Variants in USH1C observed in about 807,000 individuals in gnomAD.
USH1C encodes USH1 protein network component harmonin.
In USH1C, 90 loss-of-function variants were observed where a neutral mutation model predicts 119.3. That is an observed-to-expected ratio of 0.75 (90% CI 0.64 to 0.90). The LOEUF is 0.90. USH1C is among the 40% of genes least tolerant of loss of function. The probability of loss-of-function intolerance (pLI) is 0.00; values close to 1 mark genes in which losing one functional copy is unlikely to be tolerated. For synonymous variants in USH1C, 465 were observed against 443.3 expected, an observed-to-expected ratio of 1.05 and a Z score of -0.62; for missense variants, 1,165 against 1,167.7, an observed-to-expected ratio of 1.00 and a Z score of 0.03.
chr11:17,496,126 C>T (rs1049338666), intron 25 of USH1C, among the ~76,000 whole-genome samples: 17 of 150,310 alleles, frequency 1.1e-4, no homozygotes, highest in Non-Finnish European at 2.1e-4. Flanking sequence ...GAAAGGGGAC[C>T]GGGATGAAGG....
chr11:17,509,107 T>A (rs1309847912), intron 18 of USH1C, among the ~76,000 whole-genome samples: 1 of 152,168 alleles, frequency 6.6e-6, no homozygotes, highest in African/African-American at 2.4e-5. Flanking sequence ...GAATATCAAA[T>A]GGACACACCG....
At chr11:17,504,735 T>C (rs573844196) in intron 19 of USH1C, 38 bp from the exon 20 acceptor site, 3 of 1,609,268 alleles carry the variant, frequency 1.9e-6, no homozygotes, top group East Asian at 4.5e-5. Context: ...ACATTGGATG[T>C]TACCAATAGG....
chr11:17,513,237 G>A (rs1009363268), intron 15 of USH1C, among the ~76,000 whole-genome samples: 4 of 152,140 alleles, frequency 2.6e-5, no homozygotes, highest in African/African-American at 7.2e-5. Flanking sequence ...CACACACAGC[G>A]TGGAGGACAG....
At chr11:17,527,462 C>T (rs914011774) in intron 4 of USH1C, 131 bp from the exon 5 acceptor site, 9 of 772,990 alleles carry the variant, frequency 1.2e-5, no homozygotes, top group African/African-American at 3.4e-5. Context: ...CTGGAATAAG[C>T]CTTGATCTCA....
intron 7 of USH1C, 119 bp downstream of exon 7, chr11:17,526,633 TG>T: frequency 8.0e-7 from 1 of 1,254,178 alleles, no homozygotes; most frequent in Non-Finnish European, 1.1e-6. Context: ...CTGGCTGCCC[TG>T]GGAGCCTGTG....
intron 4 of USH1C, 109 bp from the exon 5 acceptor site, chr11:17,527,440 C>T: frequency 1.1e-6 from 1 of 883,766 alleles, no homozygotes; most frequent in Non-Finnish European, 1.9e-6. Flanking sequence ...GGAAGGGTGG[C>T]TGTGCCACCC....
intron 13 of USH1C, 121 bp downstream of exon 13, chr11:17,521,225 A>C (rs1276271429): frequency 5.2e-6 from 6 of 1,150,614 alleles, no homozygotes; most frequent in Non-Finnish European, 7.9e-6. Flanking sequence ...CAAATAAAGG[A>C]GGACCCACCA....
intron 22 of USH1C, 37 bp from the exon 23 acceptor site, chr11:17,501,187 G>T: frequency 6.5e-7 from 1 of 1,544,934 alleles, no homozygotes. Flanking sequence ...GAGCCAAGCA[G>T]ACAGCAGCCT....
At chr11:17,504,755 C>T (rs907337685) in intron 19 of USH1C, 58 bp from the exon 20 acceptor site, 44 of 1,578,376 alleles carry the variant, frequency 2.8e-5, no homozygotes, top group Non-Finnish European at 3.6e-5. Flanking sequence ...GTCTTGGCTG[C>T]CCCCTGGTGC....
chr11:17,544,206 CA>C (rs1321174054), intron 1 of USH1C, 65 bp downstream of exon 1: 2 of 1,605,344 alleles, frequency 1.2e-6, no homozygotes, highest in Non-Finnish European at 1.7e-6. Flanking sequence ...CCGGGGTGTC[CA>C]CCCCCTACCC....
rs2240488 is a variant in USH1C, at chr11:17,521,325, G to C, written c.1085+21C>G. On this transcript the variant is annotated intron_variant, in intron 13 of 26. Coordinates refer to ENST00000005226, the MANE Select transcript of USH1C (RefSeq NM_153676.4). The stretch of plus-strand genomic sequence containing the variant: ...CACACTGATGTTCATGCACAGACAC[G>C]CGTGGAGCCGAGGTACTCACTGTTC... 0.47 allele frequency: 760,408 copies of C among 1,611,358 alleles called. 182,507 individuals carry two copies. The highest frequency in any genetic ancestry group is 0.63 in the East Asian group (28,378 of 44,840).
At chr11:17,524,577 C>T (rs1294701812) in intron 8 of USH1C, 42 bp from the exon 9 acceptor site, 2 of 1,549,468 alleles carry the variant, frequency 1.3e-6, no homozygotes, top group Non-Finnish European at 1.7e-6. Flanking sequence ...TCAGGTAACC[C>T]ATGTCCAGTG....
At chr11:17,502,807 C>A (rs1258147388) in intron 20 of USH1C, among the ~76,000 whole-genome samples, 2 of 152,168 alleles carry the variant, frequency 1.3e-5, no homozygotes, top group African/African-American at 4.8e-5. Context: ...CCAGGGGCAT[C>A]CCCAGGCTGA....
chr11:17,542,763 T>A (rs1851520264), intron 1 of USH1C, among the ~76,000 whole-genome samples: 1 of 149,224 alleles, frequency 6.7e-6, no homozygotes, highest in Non-Finnish European at 1.5e-5. Context: ...TCCTTCAAAC[T>A]GGGTTGCCTG....
chr11:17,496,799 A>G lies in USH1C; in HGVS notation c.2505T>C (p.Leu835=). 6.2e-7 allele frequency: 1 copy of G among 1,614,182 alleles called. No individual in the cohort carries two copies. The highest frequency in any genetic ancestry group is 8.5e-7 in the Non-Finnish European group (1 of 1,179,998). The change falls in exon 25 of 27, where the codon CTT becomes CTC. Residue 835 remains leucine, a synonymous_variant. Transcript: ENST00000005226. ...CCTTTGGGGGGCAGACGGCAACCAC[A>G]AGGTCGATCCAGTCCTGTGGGGAGA... is the stretch of plus-strand genomic sequence containing the variant. ...AWNQGGDWID[L]VVAVCPPKEY... is the part of the protein sequence containing the mutation.
In USH1C at chr11:17,531,016, G is replaced by A; in HGVS notation, c.387+138C>T. On this transcript the variant is annotated intron_variant, in intron 4 of 26. Coordinates refer to ENST00000005226, the MANE Select transcript of USH1C (RefSeq NM_153676.4). The surrounding 1 kb of genome is among the most constrained non-coding windows in gnomAD (Gnocchi z 4.2). ...CTATGAGCCTAAGAACACCCATCAG[G>A]ATGCGCCAGCCTCTTCTTCACCCGA... 7.4e-7 allele frequency: 1 copy of A among 1,350,654 alleles called. No individual in the cohort carries two copies. Among genetic ancestry groups the A allele is most frequent in the Non-Finnish European group, 1.0e-6 (1 of 976,792 alleles). 83.7% of individuals were successfully genotyped at this position (1,350,654 alleles called of 1,614,324 possible).
chr11:17,530,883 G>A (rs1452759415), intron 4 of USH1C, among the ~76,000 whole-genome samples: 1 of 152,200 alleles, frequency 6.6e-6, no homozygotes, highest in Non-Finnish European at 1.5e-5. Flanking sequence ...AGGGGAGGTG[G>A]GGGGAAGTGC....
rs1380888214 is a variant in USH1C, at chr11:17,527,329, T to C, written c.390A>G (p.Val130=). ...GGQADSVGLQ[V]GDEIVRINGY... ...CATTGATCCGGACGATCTCGTCCCC[T>C]ACCTTGACCACAGAGAGAGGCAGGG... Residue 130 remains valine, a splice_region_variant and synonymous_variant, in exon 5 of 27, where the codon GTA becomes GTG. Transcript: ENST00000005226. 4 of 1,609,830 alleles carry C rather than the reference T, an allele frequency of 2.5e-6. 1 individual carries two copies. In the Admixed American group the frequency reaches 6.7e-5, roughly 27 times the overall value.
rs200523032 is a variant in USH1C, at chr11:17,524,524, C to T, written c.686G>A (p.Gly229Asp). Residue 229 changes from glycine (G) to aspartate (D), a missense_variant, in exon 9 of 27, where the codon GGC becomes GAC. By Grantham distance (94) the Gly-to-Asp change is moderately conservative. Coordinates refer to ENST00000005226, the MANE Select transcript of USH1C (RefSeq NM_153676.4). The stretch of plus-strand genomic sequence containing the variant: ...AAAGATGCCAGGCTTCTGGATGGGG[C>T]CGCTGGAAATGCTGCGGGAGGTGGG... ...SRGLGCSISS[G>D]PIQKPGIFIS... 6.4e-7 allele frequency: 1 copy of T among 1,562,462 alleles called. No individual in the cohort carries two copies. Among genetic ancestry groups the T allele is most frequent in the East Asian group, 2.4e-5 (1 of 41,728 alleles).
Sources: gnomAD v4.1 joint callset for allele counts (sites outside exome capture counted in the v4.1 genomes callset) on GRCh38, gnomAD v4.1.1 for gene constraint, Gnocchi (gnomAD v3.1) non-coding constraint, MANE v1.5 for transcripts, NCBI Gene and HGNC (gene_info 2026-07-23, HGNC 2026-07-21) for gene names.